SYT16: variants seen among roughly 807,000 people sequenced by gnomAD.
The protein encoded by SYT16 is synaptotagmin-16.
Under a neutral mutation model 61.4 loss-of-function variants are expected in SYT16, and 42 were observed. That is an observed-to-expected ratio of 0.68 (90% confidence interval 0.53 to 0.89). The LOEUF is 0.89. SYT16 is among the 40% of genes least tolerant of loss of function. The pLI is 0.00. For missense variants in SYT16, 804 were observed against 807.3 expected (o/e 1.00, Z 0.05); for synonymous variants, 314 against 302.3 (o/e 1.04, Z -0.40).
chr14:61,955,980 C>G (rs994287699), intron 1 of SYT16, among the ~76,000 whole-genome samples: 1 of 151,606 alleles, frequency 6.6e-6, no homozygotes, highest in Admixed American at 6.6e-5. Flanking sequence ...TTTTCGCTTT[C>G]TCTTTCTTTC....
intron 3 of SYT16, among the ~76,000 whole-genome samples, chr14:62,029,275 C>T (rs2054219224): frequency 1.3e-5 from 2 of 152,266 alleles, no homozygotes; most frequent in South Asian, 4.1e-4. Flanking sequence ...ATTAAAGGCA[C>T]CCACCATCAC....
At chr14:61,939,021 G>A (rs891319880) in intron 1 of SYT16, among the ~76,000 whole-genome samples, 1 of 152,188 alleles carries the variant, frequency 6.6e-6, no homozygotes, top group Admixed American at 6.5e-5. Context: ...TATAATCCCA[G>A]CTACTTGGGA....
intron 3 of SYT16, among the ~76,000 whole-genome samples, chr14:62,020,637 A>G (rs987162137): frequency 1.3e-5 from 2 of 152,240 alleles, no homozygotes; most frequent in Non-Finnish European, 2.9e-5. Context: ...TTCACCAGCC[A>G]GCAGTGGGCT....
chr14:62,078,220 T>C (rs1288061630), intron 5 of SYT16, among the ~76,000 whole-genome samples: 3 of 150,780 alleles, frequency 2.0e-5, no homozygotes, highest in Admixed American at 6.6e-5. Context: ...TAGAAATAGT[T>C]ATGCCTAAAG....
intron 1 of SYT16, among the ~76,000 whole-genome samples, chr14:61,953,729 G>A (rs1192208245): frequency 6.6e-6 from 1 of 152,080 alleles, no homozygotes; most frequent in African/African-American, 2.4e-5. Flanking sequence ...CCTTATCCTG[G>A]GACTGAAGGA....
chr14:61,964,722 T>G (rs903321203), intron 1 of SYT16, among the ~76,000 whole-genome samples: 1 of 152,114 alleles, frequency 6.6e-6, no homozygotes, highest in African/African-American at 2.4e-5. Context: ...TACAGAGAAA[T>G]CTTTCATGAA....
chr14:61,842,161 T>C (rs2046318304), intron 1 of SYT16, among the ~76,000 whole-genome samples: 1 of 152,202 alleles, frequency 6.6e-6, no homozygotes, highest in Admixed American at 6.5e-5. Flanking sequence ...CCATCAAACA[T>C]TAATCCTTTG....
At position 61,825,832 on chromosome 14, in the gene SYT16, CAAGT is replaced by C. The variant is rs1429770298; in HGVS notation, c.-325+13026_-325+13029del. Among the ~76,000 whole-genome samples the C allele has an allele frequency of 3.9e-5, 6 of 152,172 alleles. No individual in the cohort carries two copies. The East Asian group carries it at 5.8e-4, about 15-fold the overall frequency. On this transcript the variant is annotated intron_variant, in intron 1 of 7. Coordinates refer to ENST00000683842, the MANE Select transcript of SYT16 (RefSeq NM_001367656.1). ...TACATTTAAGAAAGATTAATAAAAA[CAAGT>C]AAGATAATTATTTATCTAATTTTTG...
chr14:62,084,897 T>C (rs1313780724), intron 7 of SYT16, among the ~76,000 whole-genome samples: 1 of 152,200 alleles, frequency 6.6e-6, no homozygotes, highest in Non-Finnish European at 1.5e-5. Context: ...TTAAATGAAA[T>C]GATTTATTTA....
At chr14:61,981,954 A>G (rs1339405354) in intron 2 of SYT16, among the ~76,000 whole-genome samples, 1 of 152,204 alleles carries the variant, frequency 6.6e-6, no homozygotes, top group Non-Finnish European at 1.5e-5. Flanking sequence ...TGCTGTGGAA[A>G]TGTTTAACAC....
intron 2 of SYT16, among the ~76,000 whole-genome samples, chr14:61,993,505 A>G (rs747539507): frequency 1.3e-5 from 2 of 152,170 alleles, no homozygotes; most frequent in Admixed American, 6.6e-5. Flanking sequence ...AAGAATTATT[A>G]AGGAAAACAT....
At chr14:62,029,457 G>A (rs375262352) in intron 3 of SYT16, among the ~76,000 whole-genome samples, 25 of 152,316 alleles carry the variant, frequency 1.6e-4, no homozygotes, top group African/African-American at 5.8e-4. Flanking sequence ...GTGCCCACTG[G>A]TGGTTTTCTG....
chr14:61,858,312 T>G (rs2046849537), intron 1 of SYT16, among the ~76,000 whole-genome samples: 1 of 152,110 alleles, frequency 6.6e-6, no homozygotes, highest in Admixed American at 6.5e-5. Flanking sequence ...CCTTTCCCGT[T>G]AAGCCATTAG....
chr14:61,934,135 TATAAC>T (rs2049885737), intron 1 of SYT16, among the ~76,000 whole-genome samples: 1 of 152,222 alleles, frequency 6.6e-6, no homozygotes, highest in African/African-American at 2.4e-5. Context: ...TTTCTATGCT[TATAAC>T]ATTCATGATT....
In SYT16 at chr14:61,898,792, A is replaced by G. The variant is rs549276510; in HGVS notation, c.-324-71340A>G. On this transcript the variant is annotated intron_variant, in intron 1 of 7. Transcript: ENST00000683842. Reference sequence around the variant, plus strand: ...ATCTCACTCCGGGAGCTATTTGAGAAGCCTGTTGTCTGCACCAGGGACTGA... The same window carrying G: ...ATCTCACTCCGGGAGCTATTTGAGAGGCCTGTTGTCTGCACCAGGGACTGA... Among the ~76,000 whole-genome samples the G allele has an allele frequency of 2.6e-5, 4 of 152,264 alleles. No individual in the cohort carries two copies. In the East Asian group the frequency reaches 7.7e-4, roughly 29 times the overall value.
At chr14:62,068,483 A>G (rs773877661) in intron 3 of SYT16, among the ~76,000 whole-genome samples, 33 of 152,324 alleles carry the variant, frequency 2.2e-4, no homozygotes, top group Non-Finnish European at 4.3e-4. Context: ...GAACAAGTCT[A>G]CAGATCTAAC....
chr14:61,852,247 C>T (rs1262994901), intron 1 of SYT16, among the ~76,000 whole-genome samples: 1 of 152,036 alleles, frequency 6.6e-6, no homozygotes, highest in Non-Finnish European at 1.5e-5. Flanking sequence ...AGTCTTATTT[C>T]TGAGATGTCT....
intron 3 of SYT16, among the ~76,000 whole-genome samples, chr14:62,042,168 T>C (rs1279111716): frequency 1.3e-5 from 2 of 152,150 alleles, no homozygotes; most frequent in Non-Finnish European, 2.9e-5. Context: ...AAATTTTTTT[T>C]CTTTTGCTTT....
intron 1 of SYT16, among the ~76,000 whole-genome samples, chr14:61,959,670 C>T (rs781229783): frequency 4.6e-5 from 7 of 152,182 alleles, no homozygotes; most frequent in Middle Eastern, 3.4e-3. Context: ...TACACACTGC[C>T]ACTACAGTAG....
Sources: gnomAD v4.1 joint callset for allele counts (sites outside exome capture counted in the v4.1 genomes callset) on GRCh38, gnomAD v4.1.1 for gene constraint, MANE v1.5 for transcripts, NCBI Gene and HGNC (gene_info 2026-07-23, HGNC 2026-07-21) for gene names.